Variants in CAB39 observed in about 807,000 individuals in gnomAD.
CAB39 encodes calcium binding protein 39.
CAB39 carries 8 observed loss-of-function variants against 40.0 expected under a neutral mutation model. The observed-to-expected ratio is 0.20, with a 90% confidence interval of 0.12 to 0.36. CAB39 has a LOEUF of 0.36. Ranked by LOEUF, CAB39 falls within the 10% of genes least tolerant of loss-of-function variation. CAB39 has a pLI of 1.00. For missense variants in CAB39, 270 were observed against 401.1 expected, an observed-to-expected ratio of 0.67 and a Z score of 2.79; for synonymous variants, 156 against 141.6, an observed-to-expected ratio of 1.10 and a Z score of -0.72.
intron 1 of CAB39, among the ~76,000 whole-genome samples, chr2:230,733,987 C>T (rs1420998063): frequency 6.6e-6 from 1 of 152,070 alleles, no homozygotes; most frequent in Non-Finnish European, 1.5e-5. Flanking sequence ...TTCAGATATC[C>T]ATCCCCAAAA....
intron 5 of CAB39, among the ~76,000 whole-genome samples, chr2:230,800,050 T>C (rs1244685425): frequency 2.6e-5 from 4 of 151,576 alleles, no homozygotes; most frequent in African/African-American, 9.7e-5. Context: ...AATACATATA[T>C]ACACACCAGT....
rs563298905 is a variant in CAB39, at chr2:230,760,242, A to G, written c.114+127A>G. ...TTTAAAAATAACATCCAAAAGCAAC[A>G]TATGCTGCTGTTGCAACATACTTTT... On this transcript the variant is annotated intron_variant, in intron 2 of 8. Coordinates refer to ENST00000258418, the MANE Select transcript of CAB39 (RefSeq NM_016289.4). 8.8e-5 allele frequency: 49 copies of G among 555,662 alleles called. 1 individual carries two copies. The South Asian group carries it at 9.1e-4, about 10-fold the overall frequency. The allele number at this position is 555,662 out of a possible 1,614,324, so 34.4% of individuals were successfully genotyped here. A position where few individuals can be genotyped will look rare whatever the true frequency, so the allele number is the denominator to read the frequency against.
chr2:230,805,084 C>T lies in CAB39; in HGVS notation c.568-5179C>T, dbSNP rs114235053. Reference sequence around the variant, plus strand: ...ATGCAGCCTTAAAAAAGGATGCATTCGTGTCCTTTGTAGCGACATGGATGA... The same window carrying T: ...ATGCAGCCTTAAAAAAGGATGCATTTGTGTCCTTTGTAGCGACATGGATGA... On this transcript the variant is annotated intron_variant, in intron 5 of 8. Coordinates refer to ENST00000258418, the MANE Select transcript of CAB39 (RefSeq NM_016289.4). Among the ~76,000 whole-genome samples the T allele has an allele frequency of 9.4e-3, 1,425 of 152,226 alleles. 22 individuals carry two copies. The highest frequency in any genetic ancestry group is 0.032 in the African/African-American group (1,309 of 41,502).
chr2:230,742,866 A>G (rs974159737), intron 1 of CAB39, among the ~76,000 whole-genome samples: 12 of 152,190 alleles, frequency 7.9e-5, no homozygotes, highest in East Asian at 1.9e-4. Flanking sequence ...GGCTGCCTTC[A>G]TGGACTTTTG....
intron 2 of CAB39, among the ~76,000 whole-genome samples, chr2:230,775,739 T>C (rs1695574476): frequency 1.3e-5 from 2 of 152,308 alleles, no homozygotes; most frequent in South Asian, 4.1e-4. Context: ...TGTCTTTACT[T>C]GCATCATTAT....
chr2:230,780,985 G>A (rs1347983282), intron 2 of CAB39, among the ~76,000 whole-genome samples: 2 of 152,012 alleles, frequency 1.3e-5, no homozygotes, highest in Non-Finnish European at 2.9e-5. Flanking sequence ...GGGAGGCTGA[G>A]GTGGGAGGAT....
intron 1 of CAB39, among the ~76,000 whole-genome samples, chr2:230,750,880 C>CGAA (rs897751511): frequency 5.9e-5 from 9 of 152,206 alleles, no homozygotes; most frequent in African/African-American, 2.2e-4. Context: ...TTAGAAATGT[C>CGAA]TAAGTCAGTT....
intron 2 of CAB39, among the ~76,000 whole-genome samples, chr2:230,767,264 A>G (rs1346000280): frequency 6.6e-6 from 1 of 152,188 alleles, no homozygotes; most frequent in Non-Finnish European, 1.5e-5. Flanking sequence ...TTTTCAGGCC[A>G]AAAGTCTTAA....
intron 2 of CAB39, among the ~76,000 whole-genome samples, chr2:230,782,813 C>CTTTTTTTTTTTTTTTT (rs1212977897): frequency 4.9e-5 from 4 of 81,758 alleles, no homozygotes; most frequent in African/African-American, 1.2e-4. Flanking sequence ...TTCTTTCTTT[C>CTTTTTTTTTTTTTTTT]TTTTTTTTTT....
chr2:230,748,831 A>AAAAAATATATATATAT (rs1386799920), intron 1 of CAB39, among the ~76,000 whole-genome samples: 6 of 28,506 alleles, frequency 2.1e-4, no homozygotes, highest in Non-Finnish European at 3.2e-4. Flanking sequence ...AAAAAAAAAA[A>AAAAAATATATATATAT]ATATATATAT....
chr2:230,733,579 C>CT (rs1392650854), intron 1 of CAB39, among the ~76,000 whole-genome samples: 1 of 152,204 alleles, frequency 6.6e-6, no homozygotes, highest in Non-Finnish European at 1.5e-5. Flanking sequence ...CAGATTCTCT[C>CT]TTCCTTCACT....
chr2:230,724,375 T>G (rs1694515122), intron 1 of CAB39, among the ~76,000 whole-genome samples: 1 of 152,070 alleles, frequency 6.6e-6, no homozygotes, highest in African/African-American at 2.4e-5. Flanking sequence ...TGTTAGCTGC[T>G]GATACATTGT....
intron 1 of CAB39, among the ~76,000 whole-genome samples, chr2:230,744,376 C>G (rs1694936733): frequency 6.6e-6 from 1 of 152,172 alleles, no homozygotes; most frequent in South Asian, 2.1e-4. Flanking sequence ...TCACTGCAGC[C>G]TCCACCTCCC....
At chr2:230,796,489 G>A (rs1695989907) in intron 4 of CAB39, among the ~76,000 whole-genome samples, 1 of 152,100 alleles carries the variant, frequency 6.6e-6, no homozygotes, top group Admixed American at 6.6e-5. Context: ...ATCAAAACCT[G>A]TTCAACTTGT....
intron 1 of CAB39, among the ~76,000 whole-genome samples, chr2:230,741,594 G>A (rs573187858): frequency 3.9e-5 from 6 of 152,112 alleles, no homozygotes; most frequent in African/African-American, 1.2e-4. Context: ...TCCTGCCTCA[G>A]CCTCCTGAGT....
At chr2:230,714,411 A>G (rs1694312516) in intron 1 of CAB39, among the ~76,000 whole-genome samples, 1 of 152,246 alleles carries the variant, frequency 6.6e-6, no homozygotes, top group East Asian at 1.9e-4. Context: ...TGCCCAGGCT[A>G]AGCAAAGTAC....
At chr2:230,772,251 A>G (rs962537981) in intron 2 of CAB39, among the ~76,000 whole-genome samples, 1 of 152,216 alleles carries the variant, frequency 6.6e-6, no homozygotes, top group South Asian at 2.1e-4. Context: ...AGTGGGCAAG[A>G]TACTCATATA....
rs527906338 is a variant in CAB39, at chr2:230,772,453, G to C, written c.114+12338G>C. ...GCTGGAACTGCTTGTGGGAATATAA[G>C]ATGGTATGACTACTTTGGAAAATAG... On this transcript the variant is annotated intron_variant, in intron 2 of 8. Transcript: ENST00000258418. Among the ~76,000 whole-genome samples, 3 of 151,860 alleles carry C rather than the reference G, an allele frequency of 2.0e-5. No homozygotes were observed. The South Asian group carries it at 6.2e-4, about 32-fold the overall frequency.
intron 1 of CAB39, among the ~76,000 whole-genome samples, chr2:230,724,552 A>G (rs1226082361): frequency 6.6e-5 from 10 of 151,832 alleles, no homozygotes; most frequent in Non-Finnish European, 4.4e-5. Flanking sequence ...ATGGTGGCAC[A>G]TGCCTATAAT....
Sources: allele counts gnomAD v4.1 joint callset (sites outside exome capture counted in the v4.1 genomes callset), GRCh38; gene constraint gnomAD v4.1.1; transcripts MANE v1.5; gene names NCBI Gene and HGNC (gene_info 2026-07-23, HGNC 2026-07-21).